The following SESN3 variants were observed in gnomAD, a reference collection of about 807,000 sequenced individuals.
SESN3 encodes sestrin-3.
SESN3 carries 21 observed loss-of-function variants against 55.3 expected under a neutral mutation model. That is an observed-to-expected ratio of 0.38 (90% CI 0.27 to 0.55). The LOEUF (loss-of-function observed/expected upper bound fraction) is 0.55, where lower values mean the gene tolerates loss of function less well. Among genes scored for constraint, SESN3 ranks in the 20% least tolerant of loss-of-function variants. The pLI, the probability that SESN3 is intolerant of heterozygous loss-of-function variation, is 0.76. For synonymous variants in SESN3, 181 were observed against 203.1 expected (o/e 0.89, Z 0.93); for missense variants, 408 against 604.3 (o/e 0.68, Z 3.41).
chr11:95,226,670 C>T (rs1051072277), intron 1 of SESN3, among the ~76,000 whole-genome samples: 7 of 151,952 alleles, frequency 4.6e-5, no homozygotes, highest in African/African-American at 1.5e-4. Context: ...ATACATGACA[C>T]AGTAACAAAA....
At chr11:95,177,016 T>C in intron 8 of SESN3, among the ~76,000 whole-genome samples, 1 of 152,166 alleles carries the variant, frequency 6.6e-6, no homozygotes, top group East Asian at 1.9e-4. Flanking sequence ...CTAATTATCA[T>C]AAAGTCTGTC....
chr11:95,185,663 A>C (rs774366599), intron 4 of SESN3, among the ~76,000 whole-genome samples, 171 bp from the exon 5 acceptor site: 1 of 152,122 alleles, frequency 6.6e-6, no homozygotes, highest in Non-Finnish European at 1.5e-5. Flanking sequence ...TGCGCCATTA[A>C]AACTATCATA....
At chr11:95,201,471 T>C (rs528897481) in intron 1 of SESN3, 11 of 152,210 alleles carry the variant, frequency 7.2e-5, no homozygotes, top group African/African-American at 2.6e-4. Flanking sequence ...AAGCTTTTGC[T>C]TGGCCAGTAA....
intron 1 of SESN3, among the ~76,000 whole-genome samples, chr11:95,228,176 C>T (rs547243740): frequency 6.6e-6 from 1 of 152,282 alleles, no homozygotes; most frequent in East Asian, 1.9e-4. Flanking sequence ...ATTCAATATT[C>T]AGGCATTGGG....
chr11:95,206,083 G>A (rs898941971), intron 1 of SESN3, among the ~76,000 whole-genome samples: 5 of 151,842 alleles, frequency 3.3e-5, no homozygotes, highest in Admixed American at 1.3e-4. Flanking sequence ...GAGTTTTCCC[G>A]TCTTCCAGAT....
At chr11:95,214,400 T>G (rs997163453) in intron 1 of SESN3, among the ~76,000 whole-genome samples, 1 of 152,224 alleles carries the variant, frequency 6.6e-6, no homozygotes, top group Non-Finnish European at 1.5e-5. Context: ...AAATGACTTA[T>G]AGTTACTGTC....
intron 1 of SESN3, chr11:95,201,294 CA>C (rs1163456159): frequency 3.9e-5 from 6 of 151,940 alleles, no homozygotes; most frequent in Non-Finnish European, 8.8e-5. Flanking sequence ...TGGAAACTGG[CA>C]GTAGTACTCA....
intron 2 of SESN3, among the ~76,000 whole-genome samples, chr11:95,192,792 G>C (rs751160278): frequency 2.0e-5 from 3 of 152,026 alleles, no homozygotes; most frequent in Non-Finnish European, 2.9e-5. Flanking sequence ...CCACCATTTT[G>C]TCAACTACAG....
chr11:95,229,039 A>G (rs972959111), intron 1 of SESN3, among the ~76,000 whole-genome samples: 1 of 152,238 alleles, frequency 6.6e-6, no homozygotes, highest in Non-Finnish European at 1.5e-5. Context: ...TGCCAGAGCC[A>G]TTAAAAAATT....
chr11:95,179,215 C>T (rs986585378), intron 6 of SESN3, among the ~76,000 whole-genome samples: 7 of 151,222 alleles, frequency 4.6e-5, no homozygotes, highest in African/African-American at 1.2e-4. Context: ...AGTGCAGTGG[C>T]GCGATCTTAG....
chr11:95,225,933 A>G (rs1489890407), intron 1 of SESN3, among the ~76,000 whole-genome samples: 15 of 152,076 alleles, frequency 9.9e-5, no homozygotes, highest in Admixed American at 9.8e-4. Context: ...CAAGGAGGCA[A>G]TTTAATTATT....
chr11:95,177,649 G>T, intron 8 of SESN3, 70 bp downstream of exon 8: 1 of 1,174,568 alleles, frequency 8.5e-7, no homozygotes, highest in Non-Finnish European at 1.2e-6. Context: ...CTCCCAAACA[G>T]GACAAAAATA....
At position 95,178,848 on chromosome 11, in the gene SESN3, A is replaced by G. The variant is rs748302816; in HGVS notation, c.938-20T>C. The G allele has an allele frequency of 5.1e-6, 7 of 1,376,004 alleles. No homozygotes were observed. In the Admixed American group the frequency reaches 1.2e-4, roughly 23 times the overall value. The allele number at this position is 1,376,004 out of a possible 1,614,324, so 85.2% of individuals were successfully genotyped here. ...CAAAATCTAAGGACAATAATGAACAATCTAGTGTTAAGGATACTGTACGTG... is the reference window on the plus strand; with the variant it reads ...CAAAATCTAAGGACAATAATGAACAGTCTAGTGTTAAGGATACTGTACGTG... On this transcript the variant is annotated intron_variant, in intron 6 of 9. Transcript: ENST00000536441.
chr11:95,167,594 TAA>T lies in SESN3; in HGVS notation c.*5659_*5660del, dbSNP rs1351212008. 8 of 152,206 alleles carry T rather than the reference TAA, an allele frequency of 5.3e-5. No individual in the cohort carries two copies. The highest frequency in any genetic ancestry group is 1.9e-4 in the African/African-American group (8 of 41,446). 9.4% of individuals were successfully genotyped at this position (152,206 alleles called of 1,614,324 possible). ...AACCGCCTCATTCAGTCTCCATTAT[TAA>T]GTCTCATTTCTTAACTAGGATGTCA... On this transcript the variant is annotated 3_prime_UTR_variant, in exon 10 of 10. Coordinates refer to ENST00000536441, the MANE Select transcript of SESN3 (RefSeq NM_144665.4).
At chr11:95,173,434 G>T in intron 9 of SESN3, 93 bp from the exon 10 acceptor site, 1 of 646,552 alleles carries the variant, frequency 1.5e-6, no homozygotes. Flanking sequence ...GTGTATATAA[G>T]CAATATACAC....
At chr11:95,186,194 C>CTGTGTGCGTGTGTGTG (rs1860160935) in intron 4 of SESN3, among the ~76,000 whole-genome samples, 1 of 107,552 alleles carries the variant, frequency 9.3e-6, no homozygotes, top group Non-Finnish European at 1.9e-5. Context: ...CTATCTCTCA[C>CTGTGTGCGTGTGTGTG]TGTGTGTGTG....
At position 95,179,496 on chromosome 11, in the gene SESN3, A is replaced by C. The variant is rs947395853; in HGVS notation, c.938-668T>G. ...GGATGAGAGGAAGGAGAAGAGATGA[A>C]GGTGAAAGACCACTCTGAGGTCAAG... On this transcript the variant is annotated intron_variant, in intron 6 of 9. Transcript: ENST00000536441. Among the ~76,000 whole-genome samples the C allele has an allele frequency of 5.9e-5, 9 of 152,096 alleles. No individual in the cohort carries two copies. The East Asian group carries it at 1.3e-3, about 23-fold the overall frequency.
At position 95,208,762 on chromosome 11, in the gene SESN3, G is replaced by A. The variant is rs553695607; in HGVS notation, c.79-15240C>T. ...ACAGAACAGAGGCCTCAGAAATAAC[G>A]CCACACATCTACAACCATCTGATCT... is the stretch of plus-strand genomic sequence containing the variant. On this transcript the variant is annotated intron_variant, in intron 1 of 9. Transcript: ENST00000536441. Among the ~76,000 whole-genome samples the A allele has an allele frequency of 5.3e-5, 8 of 151,266 alleles. 1 individual carries two copies. The South Asian group carries it at 8.5e-4, about 16-fold the overall frequency.
chr11:95,222,416 GAA>G (rs1433494585), intron 1 of SESN3, among the ~76,000 whole-genome samples: 1 of 152,158 alleles, frequency 6.6e-6, no homozygotes, highest in Non-Finnish European at 1.5e-5. Flanking sequence ...TTGCACTTCT[GAA>G]AGTGTTTCTT....
Sources: gnomAD v4.1 joint callset for allele counts (sites outside exome capture counted in the v4.1 genomes callset) on GRCh38, gnomAD v4.1.1 for gene constraint, MANE v1.5 for transcripts, NCBI Gene and HGNC (gene_info 2026-07-23, HGNC 2026-07-21) for gene names.